GLB1L2: variants seen among roughly 807,000 people sequenced by gnomAD.
The protein encoded by GLB1L2 is beta-galactosidase-1-like protein 2.
GLB1L2 carries 68 observed loss-of-function variants against 84.1 expected under a neutral mutation model. The observed-to-expected ratio is 0.81, with a 90% CI of 0.67 to 0.99. The LOEUF is 0.99. Ranked by LOEUF, GLB1L2 falls within the 50% of genes least tolerant of loss-of-function variation. GLB1L2 has a pLI of 0.00. For missense variants in GLB1L2, 762 were observed against 805.6 expected (o/e 0.95, Z 0.66); for synonymous variants, 290 against 318.0 (o/e 0.91, Z 0.94).
At chr11:134,355,633 C>G (rs1223867690) in intron 5 of GLB1L2, among the ~76,000 whole-genome samples, 1 of 152,182 alleles carries the variant, frequency 6.6e-6, no homozygotes, top group Non-Finnish European at 1.5e-5. Context: ...GAGTCTCACC[C>G]CAGCTTCTTC....
At chr11:134,347,806 C>G (rs765959461) in intron 5 of GLB1L2, among the ~76,000 whole-genome samples, 6 of 152,128 alleles carry the variant, frequency 3.9e-5, no homozygotes, top group Admixed American at 6.5e-5. Flanking sequence ...ACCAGTGTCC[C>G]AGTAGCACTG....
At position 134,375,141 on chromosome 11, in the gene GLB1L2, C is replaced by G. The variant is rs112475078; in HGVS notation, c.*83C>G. ...AAGCCTGGTGGCTGCTGCCCCACCC[C>G]TCACTGCAAAAGCATCTCCTTAAGT... On this transcript the variant is annotated 3_prime_UTR_variant, in exon 19 of 19. Coordinates refer to ENST00000535456, the MANE Select transcript of GLB1L2 (RefSeq NM_001370461.1). 95 of 1,063,178 alleles carry G rather than the reference C, an allele frequency of 8.9e-5. No homozygotes were observed. The highest frequency in any genetic ancestry group is 1.3e-4 in the Admixed American group (6 of 47,792). 65.9% of individuals were successfully genotyped at this position (1,063,178 alleles called of 1,614,324 possible). A position where few individuals can be genotyped will look rare whatever the true frequency, so the allele number is the denominator to read the frequency against.
intron 15 of GLB1L2, 152 bp from the exon 16 acceptor site, chr11:134,373,569 G>T: frequency 1.6e-6 from 1 of 625,618 alleles, no homozygotes; most frequent in Non-Finnish European, 2.9e-6. Flanking sequence ...CCCAGGGAGC[G>T]TACACTTCAG....
chr11:134,340,073 G>A (rs1317912883), intron 1 of GLB1L2, among the ~76,000 whole-genome samples: 1 of 152,176 alleles, frequency 6.6e-6, no homozygotes, highest in Non-Finnish European at 1.5e-5. Context: ...GGTCAGAGAG[G>A]CTTCTCCAAC....
chr11:134,334,647 T>TC lies in GLB1L2; in HGVS notation c.86+2503dup, dbSNP rs556090692. On this transcript the variant is annotated intron_variant, in intron 1 of 18. Coordinates refer to ENST00000535456, the MANE Select transcript of GLB1L2 (RefSeq NM_001370461.1). The surrounding 1 kb of genome is among the most constrained non-coding windows in gnomAD (Gnocchi z 4.1). The stretch of plus-strand genomic sequence containing the variant: ...TTTCCATGTACCTCTCTGTCATCCC[T>TC]CCCTCCTACTCCTCCCTGCTCCCCA... Among the ~76,000 whole-genome samples, 95 of 152,204 alleles carry TC rather than the reference T, an allele frequency of 6.2e-4. No homozygotes were observed. Among genetic ancestry groups the TC allele is most frequent in the African/African-American group, 2.2e-3 (92 of 41,540 alleles).
rs201965875 is a variant in GLB1L2, at chr11:134,375,074, C to G, written c.*16C>G. The G allele has an allele frequency of 1.2e-5, 19 of 1,605,248 alleles. No individual in the cohort carries two copies. The African/African-American group carries it at 2.3e-4, about 19-fold the overall frequency. ...CATTAAGTGAGCGGTGGCACCCCCT[C>G]CTGCTGGTGCCAGTGGGAGACTGCC... On this transcript the variant is annotated 3_prime_UTR_variant, in exon 19 of 19. Transcript: ENST00000535456.
chr11:134,350,633 G>C (rs769313847), intron 5 of GLB1L2, among the ~76,000 whole-genome samples: 2 of 152,206 alleles, frequency 1.3e-5, no homozygotes, highest in Non-Finnish European at 2.9e-5. Flanking sequence ...GCTTTTCTGC[G>C]TGCAGATCAC....
chr11:134,345,194 G>C (rs1228452123), intron 4 of GLB1L2, 65 bp downstream of exon 4: 1 of 1,461,324 alleles, frequency 6.8e-7, no homozygotes, highest in East Asian at 2.5e-5. Context: ...GGTCTGGTTT[G>C]TTTCTGTGTT....
At chr11:134,357,652 G>A (rs1319289754) in intron 6 of GLB1L2, among the ~76,000 whole-genome samples, 1 of 152,244 alleles carries the variant, frequency 6.6e-6, no homozygotes, top group Non-Finnish European at 1.5e-5. Context: ...GGGACGTCCT[G>A]CTCCACTCAT....
intron 5 of GLB1L2, among the ~76,000 whole-genome samples, chr11:134,354,001 G>A (rs1472402672): frequency 6.6e-6 from 1 of 152,162 alleles, no homozygotes; most frequent in East Asian, 1.9e-4. Context: ...GCCAATGTAT[G>A]TCTTTTGATT....
At chr11:134,368,111 CT>C (rs1210538753) in intron 9 of GLB1L2, among the ~76,000 whole-genome samples, 6 of 152,304 alleles carry the variant, frequency 3.9e-5, no homozygotes, top group African/African-American at 1.2e-4. Flanking sequence ...ATTAAAATAA[CT>C]TTTAATATTT....
At chr11:134,351,345 C>CT (rs367790049) in intron 5 of GLB1L2, among the ~76,000 whole-genome samples, 38,967 of 129,030 alleles carry the variant, frequency 0.3, 6,100 homozygotes, top group South Asian at 0.38. Flanking sequence ...CTTTTTCTTT[C>CT]TTTTTTTTTT....
At chr11:134,364,292 G>A (rs60460137) in intron 7 of GLB1L2, 36 bp from the exon 8 acceptor site, 458,063 of 1,564,982 alleles carry the variant, frequency 0.29, 70,288 homozygotes, top group East Asian at 0.51. Context: ...CTTTGAGACA[G>A]TGCTTTGTCT....
At position 134,338,216 on chromosome 11, in the gene GLB1L2, T is replaced by C. The variant is rs1484397030; in HGVS notation, c.87-4538T>C. Among the ~76,000 whole-genome samples, 1 of 152,176 alleles carries C rather than the reference T, an allele frequency of 6.6e-6. No individual in the cohort carries two copies. Among genetic ancestry groups the C allele is most frequent in the Non-Finnish European group, 1.5e-5 (1 of 68,022 alleles). On this transcript the variant is annotated intron_variant, in intron 1 of 18. Coordinates refer to ENST00000535456, the MANE Select transcript of GLB1L2 (RefSeq NM_001370461.1). This position sits in a 1 kb window ranked among gnomAD's most constrained non-coding sequence, Gnocchi z 6.2. ...CTCTGCATGGCAGACCAGAAAGAGA[T>C]GACTGTGACCCCAGTGAGGCCTCCC...
Position 134,338,554 on chromosome 11 carries a change from T to C in GLB1L2, c.87-4200T>C, listed in dbSNP as rs1321798956. ...ATCTCCTGCCTGCTGGGGCCTGCCC[T>C]GTACCCTTCATCCTCAGGACCCACC... On this transcript the variant is annotated intron_variant, in intron 1 of 18. Transcript: ENST00000535456. The surrounding 1 kb of genome is among the most constrained non-coding windows in gnomAD (Gnocchi z 6.2). Among the ~76,000 whole-genome samples, 1 of 152,146 alleles carries C rather than the reference T, an allele frequency of 6.6e-6. No individual in the cohort carries two copies. Among genetic ancestry groups the C allele is most frequent in the Non-Finnish European group, 1.5e-5 (1 of 68,032 alleles).
chr11:134,353,430 AT>A (rs1209537739), intron 5 of GLB1L2, among the ~76,000 whole-genome samples: 1 of 152,108 alleles, frequency 6.6e-6, no homozygotes, highest in African/African-American at 2.4e-5. Context: ...AGAAAAATTT[AT>A]TAAGGCTTGT....
chr11:134,364,524 C>G (rs889589071), intron 8 of GLB1L2, 126 bp downstream of exon 8: 44 of 745,556 alleles, frequency 5.9e-5, no homozygotes, highest in Non-Finnish European at 7.8e-5. Context: ...GGCCTCTGGC[C>G]CCCCGCCCAT....
chr11:134,334,845 G>C lies in GLB1L2; in HGVS notation c.86+2698G>C, dbSNP rs1276018403. ...ACGTATCAGTGCGAACCGTGCCTTT[G>C]AGCCAGTTGCCTTTCATTCTCTTCC... On this transcript the variant is annotated intron_variant, in intron 1 of 18. Coordinates refer to ENST00000535456, the MANE Select transcript of GLB1L2 (RefSeq NM_001370461.1). This position sits in a 1 kb window ranked among gnomAD's most constrained non-coding sequence, Gnocchi z 4.1. Among the ~76,000 whole-genome samples the C allele has an allele frequency of 6.6e-6, 1 of 152,154 alleles. No individual in the cohort carries two copies. Among genetic ancestry groups the C allele is most frequent in the Non-Finnish European group, 1.5e-5 (1 of 68,052 alleles).
At position 134,364,312 on chromosome 11, in the gene GLB1L2, C is replaced by T; in HGVS notation, c.734-16C>T. 1 of 1,609,496 alleles carries T rather than the reference C, an allele frequency of 6.2e-7. No individual in the cohort carries two copies. The highest frequency in any genetic ancestry group is 8.5e-7 in the Non-Finnish European group (1 of 1,176,346). ...AGACAGTGCTTTGTCTCTCTCTCTC[C>T]TCTTCCCTTTAACAGTCTTGGCCAC... On this transcript the variant is annotated splice_polypyrimidine_tract_variant and intron_variant, in intron 7 of 18. Coordinates refer to ENST00000535456, the MANE Select transcript of GLB1L2 (RefSeq NM_001370461.1).
Sources: gnomAD v4.1 joint callset for allele counts (sites outside exome capture counted in the v4.1 genomes callset) on GRCh38, gnomAD v4.1.1 for gene constraint, Gnocchi (gnomAD v3.1) non-coding constraint, MANE v1.5 for transcripts, NCBI Gene and HGNC (gene_info 2026-07-23, HGNC 2026-07-21) for gene names.